AK6: variants seen among roughly 807,000 people sequenced by gnomAD.
The protein encoded by AK6 is adenylate kinase isoenzyme 6.
Under a neutral mutation model 23.7 loss-of-function variants are expected in AK6, and 24 were observed. The observed-to-expected ratio is 1.01, with a 90% CI of 0.73 to 1.43. The LOEUF (loss-of-function observed/expected upper bound fraction) is 1.43, where lower values mean the gene tolerates loss of function less well. AK6 is among the 40% of genes most tolerant of loss of function. The probability of loss-of-function intolerance (pLI) is 0.00; values close to 1 mark genes in which losing one functional copy is unlikely to be tolerated. For missense variants in AK6, 191 were observed against 199.1 expected (o/e 0.96, Z 0.24); for synonymous variants, 73 against 69.8 (o/e 1.05, Z -0.23).
chr5:69,361,948 A>T (rs1202176811), intron 2 of AK6, among the ~76,000 whole-genome samples: 2 of 138,728 alleles, frequency 1.4e-5, no homozygotes, highest in African/African-American at 5.4e-5. Flanking sequence ...ACCCCCGGCC[A>T]GTTTTCTTAA....
chr5:69,351,938 T>C lies in AK6; in HGVS notation c.*123A>G. On this transcript the variant is annotated 3_prime_UTR_variant, in exon 5 of 5. Transcript: ENST00000380822. ...AAAAAGAAACACAGGCATAAACCTATATACTATCCACCTGCTGGTTCTGCA... is the reference window on the plus strand; with the variant it reads ...AAAAAGAAACACAGGCATAAACCTACATACTATCCACCTGCTGGTTCTGCA... The C allele has an allele frequency of 1.4e-6, 1 of 731,744 alleles. No homozygotes were observed. Among genetic ancestry groups the C allele is most frequent in the Non-Finnish European group, 2.2e-6 (1 of 461,788 alleles). The allele number at this position is 731,744 out of a possible 1,614,324, so 45.3% of individuals were successfully genotyped here. A position where few individuals can be genotyped will look rare whatever the true frequency, so the allele number is the denominator to read the frequency against.
intron 4 of AK6, among the ~76,000 whole-genome samples, chr5:69,354,866 C>T (rs182493230): frequency 3.0e-4 from 46 of 152,200 alleles, no homozygotes; most frequent in African/African-American, 1.0e-3. Flanking sequence ...CACTCTGTTG[C>T]CCAGGCTGGA....
At position 69,351,898 on chromosome 5, in the gene AK6, A is replaced by G. The variant is rs1761957409; in HGVS notation, c.*163T>C. The G allele has an allele frequency of 2.3e-6, 1 of 442,162 alleles. No homozygotes were observed. The highest frequency in any genetic ancestry group is 4.2e-5 in the Admixed American group (1 of 23,884). The allele number at this position is 442,162 out of a possible 1,614,324, so 27.4% of individuals were successfully genotyped here. ...ACTATATTCATTATATTTCATGTTT[A>G]GCTTTCTCATGGAGAAAAAGAAACA... is the stretch of plus-strand genomic sequence containing the variant. On this transcript the variant is annotated 3_prime_UTR_variant, in exon 5 of 5. Transcript: ENST00000380822.
At chr5:69,364,179 C>T (rs1198639102) in intron 2 of AK6, among the ~76,000 whole-genome samples, 3 of 151,322 alleles carry the variant, frequency 2.0e-5, no homozygotes, top group African/African-American at 4.9e-5. Context: ...GATAAATTGA[C>T]GTTCTTTTGG....
At chr5:69,367,308 T>G (rs1449459089) in intron 1 of AK6, among the ~76,000 whole-genome samples, 3 of 151,656 alleles carry the variant, frequency 2.0e-5, no homozygotes, top group East Asian at 2.0e-4. Flanking sequence ...GTCAGGAGAT[T>G]GAGACAATCC....
intron 2 of AK6, chr5:69,365,706 C>T (rs988182016): frequency 1.7e-5 from 26 of 1,571,874 alleles, no homozygotes; most frequent in Non-Finnish European, 2.2e-5. Context: ...TTTCGGCATG[C>T]TCTTGGGAGA....
intron 2 of AK6, among the ~76,000 whole-genome samples, chr5:69,361,358 T>G (rs868367754): frequency 3.2e-4 from 48 of 152,114 alleles, no homozygotes; most frequent in African/African-American, 1.1e-3. Flanking sequence ...CCTGACCTCG[T>G]GATCTGCCCA....
Position 69,355,943 on chromosome 5 carries a change from A to G in AK6, c.132T>C (p.Tyr44=), listed in dbSNP as rs1762073931. The G allele has an allele frequency of 1.2e-6, 2 of 1,605,098 alleles. No homozygotes were observed. The highest frequency in any genetic ancestry group is 1.7e-5 in the Admixed American group (1 of 57,568). Residue 44 remains tyrosine (Y), a synonymous_variant, in exon 3 of 5, where the codon TAT becomes TAC. Coordinates refer to ENST00000380822, the MANE Select transcript of AK6 (RefSeq NM_016283.5). Reference sequence around the variant, plus strand: ...AGTCATACTCTTCATCATAGCCATCATACAATTGCTCTAAAAGAGATTTAG... The same window carrying G: ...AGTCATACTCTTCATCATAGCCATCGTACAATTGCTCTAAAAGAGATTTAG... ...VGDLAREEQL[Y]DGYDEEYDCP... is the part of the protein sequence containing the mutation.
At chr5:69,355,456 G>A in intron 4 of AK6, 193 bp downstream of exon 4, 3 of 530,268 alleles carry the variant, frequency 5.7e-6, no homozygotes, top group Non-Finnish European at 9.6e-6. Context: ...GCTTGAACCA[G>A]GGAGGTGGAG....
rs114336098 is a variant in AK6 at position 69,365,849 on chromosome 5, T to A, written c.121+654A>T. ...GGAACTTAAAAAAATTTTAAATCTA[T>A]GTTAAACTGTAAAAAAATTTTTAAA... On this transcript the variant is annotated intron_variant, in intron 2 of 4. Coordinates refer to ENST00000380822, the MANE Select transcript of AK6 (RefSeq NM_016283.5). The A allele has an allele frequency of 1.0e-3, 936 of 904,954 alleles. 8 individuals carry two copies. The African/African-American group carries it at 0.014, about 14-fold the overall frequency. 56.1% of individuals were successfully genotyped at this position (904,954 alleles called of 1,614,324 possible). A position where few individuals can be genotyped will look rare whatever the true frequency, so the allele number is the denominator to read the frequency against.
intron 2 of AK6, among the ~76,000 whole-genome samples, chr5:69,363,920 T>A (rs1442882434): frequency 1.3e-5 from 2 of 151,952 alleles, no homozygotes; most frequent in African/African-American, 4.8e-5. Flanking sequence ...AAAGCCCATC[T>A]CTACTAAAAA....
intron 1 of AK6, chr5:69,367,867 T>C (rs945843574): frequency 1.3e-5 from 2 of 152,160 alleles, no homozygotes; most frequent in Admixed American, 6.5e-5. Flanking sequence ...CTTATAAAGA[T>C]TTAAAAACTG....
intron 2 of AK6, 22 bp from the exon 3 acceptor site, chr5:69,355,975 T>G (rs368556747): frequency 6.3e-7 from 1 of 1,576,114 alleles, no homozygotes; most frequent in Non-Finnish European, 8.6e-7. Flanking sequence ...TTAGAATTGC[T>G]TGTTGAAATA....
intron 4 of AK6, among the ~76,000 whole-genome samples, chr5:69,354,823 T>A (rs190320791): frequency 4.9e-4 from 74 of 152,214 alleles, no homozygotes; most frequent in African/African-American, 1.7e-3. Flanking sequence ...CATGGCTAAA[T>A]AGGGTTTCTT....
At chr5:69,361,681 C>T (rs11952246) in intron 2 of AK6, among the ~76,000 whole-genome samples, 128,725 of 150,740 alleles carry the variant, frequency 0.85, 56,156 homozygotes, top group Non-Finnish European at 0.95. Flanking sequence ...CTCGGGTCAC[C>T]GCAGCCTCCG....
intron 1 of AK6, chr5:69,368,883 T>A (rs1213680096): frequency 6.6e-6 from 1 of 152,634 alleles, no homozygotes; most frequent in Non-Finnish European, 1.5e-5. Context: ...ATGCTCTATA[T>A]GCCTTCCTTT....
chr5:69,367,631 G>C (rs544635463), intron 1 of AK6, among the ~76,000 whole-genome samples: 51 of 151,904 alleles, frequency 3.4e-4, no homozygotes, highest in African/African-American at 1.1e-3. Context: ...TGGCTCACTA[G>C]AGCCTTTACC....
At chr5:69,365,811 G>A (rs1231679703) in intron 2 of AK6, 6 of 1,270,978 alleles carry the variant, frequency 4.7e-6, no homozygotes, top group Non-Finnish European at 5.3e-6. Context: ...AGTTACTTTA[G>A]TAGCAACTGT....
chr5:69,363,893 G>A (rs915643146), intron 2 of AK6, among the ~76,000 whole-genome samples: 2 of 151,792 alleles, frequency 1.3e-5, no homozygotes, highest in African/African-American at 4.8e-5. Context: ...TTCAAGACCA[G>A]CCTGGACAAC....
Sources: allele counts gnomAD v4.1 joint callset (sites outside exome capture counted in the v4.1 genomes callset), GRCh38; gene constraint gnomAD v4.1.1; transcripts MANE v1.5; gene names NCBI Gene and HGNC (gene_info 2026-07-23, HGNC 2026-07-21).